NAALADL2: variants seen among roughly 807,000 people sequenced by gnomAD.
The protein encoded by NAALADL2 is N-acetylated alpha-linked acidic dipeptidase like 2, also known as inactive N-acetylated-alpha-linked acidic dipeptidase-like protein 2.
NAALADL2 carries 76 observed loss-of-function variants against 87.2 expected under a neutral mutation model. The observed-to-expected ratio is 0.87, with a 90% CI of 0.72 to 1.05. NAALADL2 has a LOEUF of 1.05. Among genes scored for constraint, NAALADL2 ranks in the 50% least tolerant of loss-of-function variants. NAALADL2 has a pLI of 0.00. For synonymous variants in NAALADL2, 354 were observed against 331.0 expected (o/e 1.07, Z -0.75); for missense variants, 1,089 against 945.8 (o/e 1.15, Z -1.99).
chr3:174,939,904 T>G (rs1738303771), intron 1 of NAALADL2, among the ~76,000 whole-genome samples: 1 of 152,052 alleles, frequency 6.6e-6, no homozygotes, highest in Non-Finnish European at 1.5e-5. Flanking sequence ...GAAACTTTTG[T>G]CCCAAGACTA....
At position 175,381,345 on chromosome 3, in the gene NAALADL2, C is replaced by T. The variant is rs192263383; in HGVS notation, c.1090+57020C>T. 5.9e-5 allele frequency among the ~76,000 whole-genome samples: 9 copies of T among 151,620 alleles called. No homozygotes were observed. The East Asian group carries it at 1.4e-3, about 23-fold the overall frequency. On this transcript the variant is annotated intron_variant, in intron 5 of 13. Transcript: ENST00000454872. The stretch of plus-strand genomic sequence containing the variant: ...AAGCAAATAAATGCAGTATATATTT[C>T]TCCCATGTAAAAAAGATTAGTTACA...
At chr3:175,164,696 T>A (rs1733735931) in intron 2 of NAALADL2, among the ~76,000 whole-genome samples, 2 of 152,196 alleles carry the variant, frequency 1.3e-5, no homozygotes, top group South Asian at 4.1e-4. Context: ...GGTAAATTCT[T>A]AAAGTGTGTT....
intron 9 of NAALADL2, among the ~76,000 whole-genome samples, chr3:175,543,655 A>G (rs969539124): frequency 7.9e-5 from 12 of 152,120 alleles, no homozygotes; most frequent in African/African-American, 2.9e-4. Context: ...CTCACTTTCT[A>G]TCATGAGAAC....
intron 1 of NAALADL2, among the ~76,000 whole-genome samples, chr3:174,935,408 G>GA (rs952235533): frequency 3.2e-4 from 48 of 151,852 alleles, no homozygotes; most frequent in Admixed American, 9.2e-4. Context: ...CAATTAAAAA[G>GA]AAAAAAACAA....
At chr3:175,711,857 T>C (rs534740144) in intron 11 of NAALADL2, among the ~76,000 whole-genome samples, 2 of 152,070 alleles carry the variant, frequency 1.3e-5, no homozygotes, top group South Asian at 4.1e-4. Context: ...GATTAGTGTT[T>C]ATTTTTAAAT....
At chr3:175,412,761 T>C (rs1713766423) in intron 5 of NAALADL2, among the ~76,000 whole-genome samples, 1 of 151,636 alleles carries the variant, frequency 6.6e-6, no homozygotes, top group African/African-American at 2.4e-5. Flanking sequence ...CATTTTTCTG[T>C]ATCTTGTGTT....
chr3:175,557,652 G>C (rs756391304), intron 9 of NAALADL2, among the ~76,000 whole-genome samples: 1 of 152,060 alleles, frequency 6.6e-6, no homozygotes, highest in Non-Finnish European at 1.5e-5. Context: ...GAGAACACAT[G>C]AAGTTTGTCT....
At chr3:174,870,931 G>A (rs1727752004) in intron 1 of NAALADL2, among the ~76,000 whole-genome samples, 1 of 151,908 alleles carries the variant, frequency 6.6e-6, no homozygotes, top group Non-Finnish European at 1.5e-5. Context: ...TTCTGTTTTG[G>A]TGCATCTTGA....
chr3:174,916,645 A>G (rs972601087), intron 1 of NAALADL2, among the ~76,000 whole-genome samples: 3 of 152,124 alleles, frequency 2.0e-5, no homozygotes, highest in African/African-American at 4.8e-5. Context: ...GTCCTCACAT[A>G]TAAGTGGGAG....
chr3:175,387,434 C>G (rs1349431191), intron 5 of NAALADL2, among the ~76,000 whole-genome samples: 1 of 152,096 alleles, frequency 6.6e-6, no homozygotes, highest in African/African-American at 2.4e-5. Context: ...GATTACTTCT[C>G]TTGTATCCAT....
intron 4 of NAALADL2, among the ~76,000 whole-genome samples, chr3:175,276,597 C>G (rs566679727): frequency 6.6e-6 from 1 of 152,160 alleles, no homozygotes; most frequent in Non-Finnish European, 1.5e-5. Context: ...GCCACCACAC[C>G]CAGCCTGCAA....
At chr3:175,190,981 CAAA>C (rs544760324) in intron 2 of NAALADL2, among the ~76,000 whole-genome samples, 4 of 102,082 alleles carry the variant, frequency 3.9e-5, no homozygotes, top group Admixed American at 1.1e-4. Context: ...GACTCCGTCT[CAAA>C]AAAAAAAAAA....
chr3:175,460,248 C>G, intron 6 of NAALADL2: 1 of 452,468 alleles, frequency 2.2e-6, no homozygotes, highest in South Asian at 1.6e-5. Context: ...GATCATGGTG[C>G]TGACTCTAGT....
intron 3 of NAALADL2, among the ~76,000 whole-genome samples, chr3:174,832,227 C>A (rs1722804177): frequency 1.3e-5 from 2 of 151,946 alleles, no homozygotes; most frequent in South Asian, 4.1e-4. Context: ...ATCTTTCCTG[C>A]TTTCTCTTAT....
intron 4 of NAALADL2, among the ~76,000 whole-genome samples, chr3:175,300,349 G>C (rs57824525): frequency 0.17 from 25,393 of 152,142 alleles, 2,246 homozygotes; most frequent in African/African-American, 0.21. Context: ...GTTTGGAATA[G>C]TTTCAGAAGG....
At chr3:174,896,088 A>C (rs999272885) in intron 1 of NAALADL2, among the ~76,000 whole-genome samples, 16 of 152,168 alleles carry the variant, frequency 1.1e-4, no homozygotes, top group Non-Finnish European at 2.2e-4. Context: ...CTAGTATACA[A>C]AAAACTGAAA....
At chr3:174,998,149 A>T (rs1449132260) in intron 1 of NAALADL2, among the ~76,000 whole-genome samples, 1 of 152,218 alleles carries the variant, frequency 6.6e-6, no homozygotes, top group African/African-American at 2.4e-5. Flanking sequence ...TTTATTTAGC[A>T]CTACCTCTAT....
At chr3:174,503,915 T>G (rs1421374020) in intron 1 of NAALADL2, among the ~76,000 whole-genome samples, 1 of 152,130 alleles carries the variant, frequency 6.6e-6, no homozygotes, top group African/African-American at 2.4e-5. Context: ...AATGAATATA[T>G]TCGATACTAG....
chr3:175,119,673 T>A (rs1725817538), intron 2 of NAALADL2, among the ~76,000 whole-genome samples: 1 of 80,244 alleles, frequency 1.2e-5, no homozygotes, highest in East Asian at 4.2e-4. Context: ...GGTTGAGGAG[T>A]CACTTAGTAA....
Sources: gnomAD v4.1 joint callset for allele counts (sites outside exome capture counted in the v4.1 genomes callset) on GRCh38, gnomAD v4.1.1 for gene constraint, MANE v1.5 for transcripts, NCBI Gene and HGNC (gene_info 2026-07-23, HGNC 2026-07-21) for gene names.